SGCZ: variants seen among roughly 807,000 people sequenced by gnomAD.
The protein encoded by SGCZ is sarcoglycan zeta, also known as zeta-sarcoglycan.
A neutral mutation model predicts 41.3 loss-of-function variants in SGCZ; 40 were observed. The observed-to-expected ratio is 0.97, with a 90% CI of 0.75 to 1.26. The LOEUF is 1.26. SGCZ is among the 50% of genes most tolerant of loss of function. The probability of loss-of-function intolerance (pLI) is 0.00; values close to 1 mark genes in which losing one functional copy is unlikely to be tolerated. For synonymous variants in SGCZ, 206 were observed against 137.5 expected (o/e 1.50, Z -3.49); for missense variants, 552 against 369.8 (o/e 1.49, Z -4.04).
chr8:15,233,462 G>A (rs914210155), intron 1 of SGCZ, among the ~76,000 whole-genome samples: 2 of 151,232 alleles, frequency 1.3e-5, no homozygotes, highest in African/African-American at 4.9e-5. Context: ...TCAATCTCTT[G>A]TTTAAATACC....
At chr8:14,385,597 A>G (rs1417637158) in intron 2 of SGCZ, among the ~76,000 whole-genome samples, 1 of 152,164 alleles carries the variant, frequency 6.6e-6, no homozygotes, top group Non-Finnish European at 1.5e-5. Flanking sequence ...AGTCATTCTG[A>G]CTTTGAGTGT....
chr8:14,812,006 G>A (rs1174126583), intron 1 of SGCZ, among the ~76,000 whole-genome samples: 3 of 151,952 alleles, frequency 2.0e-5, no homozygotes, highest in African/African-American at 7.2e-5. Flanking sequence ...GAATGGGTAT[G>A]GGATGAGTAT....
chr8:14,497,780 A>T (rs1267054295), intron 2 of SGCZ, among the ~76,000 whole-genome samples: 1 of 152,136 alleles, frequency 6.6e-6, no homozygotes, highest in African/African-American at 2.4e-5. Flanking sequence ...ACATTGGGGA[A>T]CGCATTTCAG....
intron 1 of SGCZ, among the ~76,000 whole-genome samples, chr8:14,810,291 GT>G (rs775997102): frequency 1.3e-5 from 2 of 152,042 alleles, no homozygotes; most frequent in Non-Finnish European, 2.9e-5. Flanking sequence ...ATCAAATTGT[GT>G]TTGTTAGCCT....
At chr8:14,983,794 A>T (rs1017845895) in intron 1 of SGCZ, among the ~76,000 whole-genome samples, 1 of 152,124 alleles carries the variant, frequency 6.6e-6, no homozygotes, top group Admixed American at 6.6e-5. Context: ...CTGGTTTTCT[A>T]CTGCCTGAGC....
At chr8:15,055,702 G>C (rs929653376) in intron 1 of SGCZ, among the ~76,000 whole-genome samples, 5 of 152,136 alleles carry the variant, frequency 3.3e-5, no homozygotes, top group Non-Finnish European at 7.3e-5. Flanking sequence ...GAATTACCAG[G>C]GAGACCTTGA....
intron 7 of SGCZ, among the ~76,000 whole-genome samples, chr8:14,093,654 T>G (rs1245290763): frequency 6.6e-6 from 1 of 152,074 alleles, no homozygotes; most frequent in Non-Finnish European, 1.5e-5. Context: ...TGATGCTTTT[T>G]AAATTTCTGA....
At chr8:14,321,287 T>C (rs1801910848) in intron 3 of SGCZ, among the ~76,000 whole-genome samples, 1 of 152,078 alleles carries the variant, frequency 6.6e-6, no homozygotes, top group Non-Finnish European at 1.5e-5. Flanking sequence ...GTTTACTTTT[T>C]TTGCTGGACT....
In SGCZ at chr8:14,337,692, G is replaced by A. The variant is rs1277145497; in HGVS notation, c.235-13488C>T. On this transcript the variant is annotated intron_variant, in intron 2 of 7. Coordinates refer to ENST00000382080, the MANE Select transcript of SGCZ (RefSeq NM_139167.4). ...ACCTACCAAATGAGTATGATCTATG[G>A]AAAAGCACAGAGGACATGCCAATTA... 2.0e-5 allele frequency among the ~76,000 whole-genome samples: 3 copies of A among 152,144 alleles called. No individual in the cohort carries two copies. The East Asian group carries it at 5.8e-4, about 29-fold the overall frequency.
chr8:14,191,253 T>C (rs966736795), intron 4 of SGCZ, among the ~76,000 whole-genome samples: 1 of 152,212 alleles, frequency 6.6e-6, no homozygotes, highest in Non-Finnish European at 1.5e-5. Flanking sequence ...ATCAGTTACA[T>C]AGTCCAAATA....
chr8:14,927,133 G>C (rs1237139948), intron 1 of SGCZ, among the ~76,000 whole-genome samples: 1 of 114,628 alleles, frequency 8.7e-6, no homozygotes, highest in African/African-American at 3.4e-5. Flanking sequence ...TTGTGAGGCA[G>C]AGTCTCGCTC....
intron 1 of SGCZ, among the ~76,000 whole-genome samples, chr8:14,665,134 G>A (rs1018232296): frequency 1.3e-5 from 2 of 152,036 alleles, no homozygotes; most frequent in African/African-American, 4.8e-5. Flanking sequence ...TTAACATTAG[G>A]TATATCTCCT....
intron 1 of SGCZ, among the ~76,000 whole-genome samples, chr8:14,760,247 T>C (rs149256021): frequency 1.3e-5 from 2 of 152,322 alleles, no homozygotes; most frequent in East Asian, 3.9e-4. Flanking sequence ...AATCCCTTCG[T>C]AGCCTTTAAC....
At chr8:14,999,318 G>T (rs146699630) in intron 1 of SGCZ, among the ~76,000 whole-genome samples, 92 of 152,260 alleles carry the variant, frequency 6.0e-4, no homozygotes, top group Non-Finnish European at 1.1e-3. Context: ...GCTGAGATAC[G>T]TGTTAATTCT....
At chr8:15,109,385 C>A (rs1328892783) in intron 1 of SGCZ, among the ~76,000 whole-genome samples, 1 of 151,892 alleles carries the variant, frequency 6.6e-6, no homozygotes, top group African/African-American at 2.4e-5. Flanking sequence ...GGAATGTTGG[C>A]CAATTGAGTA....
At chr8:15,170,693 C>T (rs1343457245) in intron 1 of SGCZ, among the ~76,000 whole-genome samples, 1 of 152,120 alleles carries the variant, frequency 6.6e-6, no homozygotes, top group Non-Finnish European at 1.5e-5. Context: ...GTGTTTTATG[C>T]AGAATAGTCG....
rs199830070 is a variant in SGCZ at position 14,164,695 on chromosome 8, A to C, written c.432T>G (p.Asp144Glu). The C allele has an allele frequency of 8.1e-6, 13 of 1,613,398 alleles. No homozygotes were observed. Among genetic ancestry groups the C allele is most frequent in the Middle Eastern group, 1.6e-4 (1 of 6,080 alleles). ...ATCTTTTACACTGAGCTTCCACAGC[A>C]TCAGCTCCTATGGTCAGAGGAAAGG... ...QLTGQLTIGADAVEAQCKRFE... is the reference protein window; with the variant it reads ...QLTGQLTIGAEAVEAQCKRFE... Residue 144 changes from aspartate (D) to glutamate (E), a missense_variant, in exon 5 of 8, where the codon GAT becomes GAG. Asp to Glu is a conservative substitution (Grantham distance 45). Transcript: ENST00000382080.
intron 5 of SGCZ, among the ~76,000 whole-genome samples, chr8:14,139,058 C>T (rs902066345): frequency 2.6e-5 from 4 of 152,104 alleles, no homozygotes; most frequent in Admixed American, 6.6e-5. Context: ...TGCACAATTA[C>T]GTGGAAACTG....
intron 3 of SGCZ, among the ~76,000 whole-genome samples, chr8:14,262,273 G>A (rs1040208613): frequency 2.0e-5 from 3 of 152,096 alleles, no homozygotes. Flanking sequence ...AGTGATACAC[G>A]TTTTAATAGG....
Sources: allele counts gnomAD v4.1 joint callset (sites outside exome capture counted in the v4.1 genomes callset), GRCh38; gene constraint gnomAD v4.1.1; transcripts MANE v1.5; gene names NCBI Gene and HGNC (gene_info 2026-07-23, HGNC 2026-07-21).